The following KDSR variants were observed in gnomAD, a reference collection of about 807,000 sequenced individuals.
KDSR encodes 3-dehydrosphinganine reductase.
A neutral mutation model predicts 41.3 loss-of-function variants in KDSR; 23 were observed. The ratio of observed to expected loss-of-function variants is 0.56; its 90% CI spans 0.40 to 0.79. The LOEUF (loss-of-function observed/expected upper bound fraction) is 0.79, where lower values mean the gene tolerates loss of function less well. Ranked by LOEUF, KDSR falls within the 30% of genes least tolerant of loss-of-function variation. The pLI, the probability that KDSR is intolerant of heterozygous loss-of-function variation, is 0.00. For missense variants in KDSR, 351 were observed against 416.8 expected, an observed-to-expected ratio of 0.84 and a Z score of 1.37; for synonymous variants, 138 against 151.7, an observed-to-expected ratio of 0.91 and a Z score of 0.66.
At chr18:63,332,428 T>A (rs1383030562) in intron 9 of KDSR, among the ~76,000 whole-genome samples, 2 of 152,068 alleles carry the variant, frequency 1.3e-5, no homozygotes, top group Non-Finnish European at 2.9e-5. Context: ...TGGAGTGCAG[T>A]GGCATGAACG....
intron 9 of KDSR, among the ~76,000 whole-genome samples, chr18:63,333,022 A>G (rs923604052): frequency 1.1e-4 from 17 of 152,138 alleles, no homozygotes; most frequent in African/African-American, 3.6e-4. Context: ...AAGAAAGAAA[A>G]AAAAGAGCCT....
At chr18:63,361,031 T>TAATATAC (rs1914958594) in intron 2 of KDSR, among the ~76,000 whole-genome samples, 1 of 47,022 alleles carries the variant, frequency 2.1e-5, no homozygotes, top group Non-Finnish European at 4.5e-5. Flanking sequence ...ATATAATATA[T>TAATATAC]ATAATAAAAA....
In KDSR at chr18:63,366,719, C is replaced by G. The variant is rs571694563; in HGVS notation, c.108+292G>C. The G allele has an allele frequency of 4.8e-5, 16 of 336,278 alleles. No homozygotes were observed. The South Asian group carries it at 2.3e-3, about 48-fold the overall frequency. 20.8% of individuals were successfully genotyped at this position (336,278 alleles called of 1,614,324 possible). The stretch of plus-strand genomic sequence containing the variant: ...ATCCCAGGGATGTTGCATGGATTCA[C>G]GAGCAGCCACAGAACCCCTGGGGCC... On this transcript the variant is annotated intron_variant, in intron 1 of 9. Transcript: ENST00000645214.
chr18:63,331,819 T>C lies in KDSR; in HGVS notation c.962A>G (p.Gln321Arg), dbSNP rs1451703162. The C allele has an allele frequency of 1.2e-6, 2 of 1,614,068 alleles. No individual in the cohort carries two copies. Among genetic ancestry groups the C allele is most frequent in the Admixed American group, 1.7e-5 (1 of 60,022 alleles). The change falls in exon 10 of 10, where the codon CAG (glutamine) becomes CGG (arginine). Residue 321 changes from glutamine (Q) to arginine (R), a missense_variant. Coordinates refer to ENST00000645214, the MANE Select transcript of KDSR (RefSeq NM_002035.4). ...GTCTGCATTTTCAGATTTTTCTCTC[T>C]GCATCATGCAGCGACGAACTATGCT... ...FDSIVRRCMM[Q>R]REKSENADKT...
At chr18:63,344,196 A>T (rs1914429918) in intron 7 of KDSR, 2 of 469,068 alleles carry the variant, frequency 4.3e-6, no homozygotes, top group African/African-American at 3.9e-5. Context: ...AAAATCTGGT[A>T]GAAATTTAAA....
intron 1 of KDSR, chr18:63,366,099 G>C (rs1427840040): frequency 6.6e-6 from 1 of 152,184 alleles, no homozygotes; most frequent in Non-Finnish European, 1.5e-5. Context: ...GGGTTTGGGA[G>C]ATCCAAACGA....
chr18:63,350,996 C>G lies in KDSR; in HGVS notation c.501G>C (p.Arg167Ser). The G allele has an allele frequency of 6.2e-7, 1 of 1,614,184 alleles. No homozygotes were observed. The highest frequency in any genetic ancestry group is 8.5e-7 in the Non-Finnish European group (1 of 1,180,022). The change falls in exon 6 of 10, where the codon AGG (arginine) becomes AGC (serine). Residue 167 changes from arginine to serine, a missense_variant. Coordinates refer to ENST00000645214, the MANE Select transcript of KDSR (RefSeq NM_002035.4). ...ITTMKERRVG[R>S]IVFVSSQAGQ... Reference sequence around the variant, plus strand: ...CTGCCTGGGAGGACACAAACACGATCCTGCCCACCCGGCGCTCCTTCATGG... The same window carrying G: ...CTGCCTGGGAGGACACAAACACGATGCTGCCCACCCGGCGCTCCTTCATGG...
At chr18:63,359,825 A>G (rs2144377373) in intron 2 of KDSR, 33 bp from the exon 3 acceptor site, 1 of 1,469,372 alleles carries the variant, frequency 6.8e-7, no homozygotes, top group East Asian at 2.3e-5. Context: ...AGTCGTGATG[A>G]CCGTCTATAT....
intron 6 of KDSR, among the ~76,000 whole-genome samples, chr18:63,347,410 C>T (rs1014208462): frequency 2.2e-4 from 32 of 145,982 alleles, no homozygotes; most frequent in African/African-American, 7.0e-4. Flanking sequence ...CCAGGAGAAT[C>T]GCTTGAACCA....
intron 9 of KDSR, among the ~76,000 whole-genome samples, chr18:63,333,023 A>T (rs539445748): frequency 3.5e-4 from 54 of 152,180 alleles, no homozygotes; most frequent in Non-Finnish European, 1.3e-4. Flanking sequence ...AGAAAGAAAA[A>T]AAAGAGCCTG....
rs571007173 is a variant in KDSR, at chr18:63,355,214, C to T, written c.407G>A (p.Ser136Asn). Residue 136 changes from serine (S) to asparagine (N), a missense_variant, in exon 5 of 10, where the codon AGT becomes AAT. Coordinates refer to ENST00000645214, the MANE Select transcript of KDSR (RefSeq NM_002035.4). The part of the protein sequence containing the change: ...VSGKFEDLEV[S>N]TFERLMSINY... The stretch of plus-strand genomic sequence containing the variant: ...AACATTTTTACTTACTTCAAAGGTA[C>T]TAACTTCAAGATCTTCAAATTTTCC... The T allele has an allele frequency of 1.1e-5, 18 of 1,611,530 alleles. No homozygotes were observed. The African/African-American group carries it at 1.9e-4, about 17-fold the overall frequency.
intron 3 of KDSR, chr18:63,359,468 G>T: frequency 5.7e-6 from 2 of 347,846 alleles, no homozygotes; most frequent in South Asian, 6.5e-5. Context: ...TTTGTATAAA[G>T]TTCATTAAAA....
intron 2 of KDSR, 88 bp from the exon 3 acceptor site, chr18:63,359,880 T>TA: frequency 1.2e-6 from 1 of 854,432 alleles, no homozygotes; most frequent in Non-Finnish European, 2.0e-6. Flanking sequence ...CAATTATTTC[T>TA]ATATGTATGT....
intron 6 of KDSR, among the ~76,000 whole-genome samples, chr18:63,348,321 A>AT (rs1407150907): frequency 4.4e-5 from 4 of 91,656 alleles, no homozygotes; most frequent in Non-Finnish European, 1.2e-4. Flanking sequence ...GAAAATAAAA[A>AT]TTAAAAAAAA....
At chr18:63,365,328 A>T (rs538897010) in intron 1 of KDSR, among the ~76,000 whole-genome samples, 47 of 152,234 alleles carry the variant, frequency 3.1e-4, no homozygotes, top group Non-Finnish European at 5.6e-4. Flanking sequence ...GTATGGGCAG[A>T]CAGTTTAACC....
rs145579641 is a variant in KDSR, at chr18:63,331,613, G to A, written c.*169C>T. The A allele has an allele frequency of 1.1e-3, 642 of 578,846 alleles. 1 individual carries two copies. The highest frequency in any genetic ancestry group is 1.9e-3 in the Admixed American group (62 of 32,770). The allele number at this position is 578,846 out of a possible 1,614,324, so 35.9% of individuals were successfully genotyped here. On this transcript the variant is annotated 3_prime_UTR_variant, in exon 10 of 10. Transcript: ENST00000645214. Reference sequence around the variant, plus strand: ...TGCATAGTATTAATAATACTGTCAGGAGGTGAACTTCTAGCCCCTTGCTTG... The same window carrying A: ...TGCATAGTATTAATAATACTGTCAGAAGGTGAACTTCTAGCCCCTTGCTTG...
At chr18:63,338,501 G>A (rs143424593) in intron 8 of KDSR, among the ~76,000 whole-genome samples, 45 of 152,270 alleles carry the variant, frequency 3.0e-4, no homozygotes, top group African/African-American at 1.0e-3. Context: ...AGTATATATC[G>A]TTTACACTCA....
At chr18:63,341,377 T>C (rs1239466020) in intron 7 of KDSR, among the ~76,000 whole-genome samples, 1 of 151,948 alleles carries the variant, frequency 6.6e-6, no homozygotes, top group Non-Finnish European at 1.5e-5. Context: ...TCTAAAGTAA[T>C]TTTTATGTAA....
intron 1 of KDSR, 23 bp downstream of exon 1, chr18:63,366,988 G>C: frequency 6.5e-6 from 8 of 1,237,866 alleles, no homozygotes; most frequent in Non-Finnish European, 8.4e-6. Context: ...TAAGTCGGGG[G>C]GCAGCAACAG....
Sources: gnomAD v4.1 joint callset for allele counts (sites outside exome capture counted in the v4.1 genomes callset) on GRCh38, gnomAD v4.1.1 for gene constraint, MANE v1.5 for transcripts, NCBI Gene and HGNC (gene_info 2026-07-23, HGNC 2026-07-21) for gene names.